ZMYND8: variants seen among roughly 807,000 people sequenced by gnomAD.
ZMYND8 encodes zinc finger MYND-type containing 8, also known as MYND-type zinc finger-containing chromatin reader ZMYND8.
ZMYND8 carries 37 observed loss-of-function variants against 140.8 expected under a neutral mutation model. The observed-to-expected ratio is 0.26, with a 90% confidence interval of 0.20 to 0.35. The LOEUF is 0.35. Ranked by LOEUF, ZMYND8 falls within the 10% of genes least tolerant of loss-of-function variation. ZMYND8 has a pLI of 1.00. For synonymous variants in ZMYND8, 592 were observed against 597.1 expected (o/e 0.99, Z 0.12); for missense variants, 1,068 against 1,570.0 (o/e 0.68, Z 5.40).
At position 47,310,097 on chromosome 20, in the gene ZMYND8, T is replaced by G; in HGVS notation, c.193A>C (p.Lys65Gln). ...QDTSTSPIKK[K>Q]KKPGLLNSNN... ...CTGTTCAGTAAGCCAGGTTTCTTTT[T>G]CTTTTTAATGGGGCTTGTTGATGTG... The change falls in exon 3 of 23, where the codon AAA becomes CAA. Residue 65 changes from lysine to glutamine, a missense_variant. Transcript: ENST00000471951. The G allele has an allele frequency of 6.2e-7, 1 of 1,614,222 alleles. No homozygotes were observed. The highest frequency in any genetic ancestry group is 8.5e-7 in the Non-Finnish European group (1 of 1,180,032).
intron 2 of ZMYND8, chr20:47,318,605 C>A: frequency 2.5e-6 from 1 of 393,812 alleles, no homozygotes. Context: ...TAAATGAAAA[C>A]CGCTCGCATT....
chr20:47,233,789 A>G (rs1300742870), intron 16 of ZMYND8, among the ~76,000 whole-genome samples: 2 of 152,228 alleles, frequency 1.3e-5, no homozygotes, highest in Non-Finnish European at 1.5e-5. Context: ...AAGAAGACTG[A>G]GTAAGTAACA....
At chr20:47,230,881 A>G (rs982561252) in intron 16 of ZMYND8, among the ~76,000 whole-genome samples, 4 of 152,080 alleles carry the variant, frequency 2.6e-5, no homozygotes, top group Non-Finnish European at 4.4e-5. Flanking sequence ...ACAACCACTG[A>G]TCTGCCTTCT....
intron 4 of ZMYND8, among the ~76,000 whole-genome samples, chr20:47,296,726 T>C (rs2148037069): frequency 6.6e-6 from 1 of 152,166 alleles, no homozygotes; most frequent in Non-Finnish European, 1.5e-5. Context: ...GAGGTCAAGG[T>C]GGGAGGATCG....
At chr20:47,285,096 A>G (rs562206517) in intron 8 of ZMYND8, among the ~76,000 whole-genome samples, 14 of 152,346 alleles carry the variant, frequency 9.2e-5, no homozygotes, top group African/African-American at 3.1e-4. Flanking sequence ...AGATTAAAAA[A>G]AAAATGAGGC....
intron 12 of ZMYND8, among the ~76,000 whole-genome samples, chr20:47,253,059 G>T (rs949611086): frequency 6.6e-6 from 1 of 152,218 alleles, no homozygotes; most frequent in African/African-American, 2.4e-5. Flanking sequence ...AAACACAGGT[G>T]GGGGCCAGAT....
At chr20:47,257,359 CAT>C (rs758899973) in intron 12 of ZMYND8, among the ~76,000 whole-genome samples, 1 of 151,974 alleles carries the variant, frequency 6.6e-6, no homozygotes, top group Non-Finnish European at 1.5e-5. Flanking sequence ...TACACACATA[CAT>C]ACACACAAAT....
intron 8 of ZMYND8, 59 bp from the exon 9 acceptor site, chr20:47,283,707 C>T: frequency 6.6e-7 from 1 of 1,512,148 alleles, no homozygotes. Flanking sequence ...TTGTGGACCT[C>T]AATCAATGCT....
intron 11 of ZMYND8, among the ~76,000 whole-genome samples, chr20:47,274,632 C>T (rs1231640705): frequency 6.6e-6 from 1 of 152,196 alleles, no homozygotes; most frequent in African/African-American, 2.4e-5. Context: ...TGTGTCAACA[C>T]AAATTATGTC....
chr20:47,215,429 G>A (rs1340929977), intron 21 of ZMYND8, among the ~76,000 whole-genome samples: 1 of 152,044 alleles, frequency 6.6e-6, no homozygotes, highest in Non-Finnish European at 1.5e-5. Flanking sequence ...TAGGGGGATG[G>A]TGGAGTATCA....
chr20:47,267,159 C>A (rs1245646799), intron 11 of ZMYND8, among the ~76,000 whole-genome samples: 2 of 151,728 alleles, frequency 1.3e-5, no homozygotes, highest in East Asian at 1.9e-4. Context: ...CATATTCTTT[C>A]ATTTCACTGA....
chr20:47,332,829 C>T (rs2081065021), intron 2 of ZMYND8, among the ~76,000 whole-genome samples: 1 of 152,204 alleles, frequency 6.6e-6, no homozygotes, highest in Non-Finnish European at 1.5e-5. Context: ...AATGATGTGT[C>T]GTGTCTGCAC....
At chr20:47,271,335 T>C (rs1488864755) in intron 11 of ZMYND8, among the ~76,000 whole-genome samples, 3 of 152,172 alleles carry the variant, frequency 2.0e-5, no homozygotes, top group Admixed American at 2.0e-4. Flanking sequence ...TGTATTTCCT[T>C]ATGAAAGAGC....
chr20:47,246,525 C>A lies in ZMYND8; in HGVS notation c.1775-8G>T. ...CCGAGATTTCATTTATGCCTAAATTCAAAAAGAAAACCCAGCATGTGGCGT... is the reference window on the plus strand; with the variant it reads ...CCGAGATTTCATTTATGCCTAAATTAAAAAAGAAAACCCAGCATGTGGCGT... On this transcript the variant is annotated splice_polypyrimidine_tract_variant and splice_region_variant and intron_variant, in intron 13 of 22. Coordinates refer to ENST00000471951, the MANE Select transcript of ZMYND8 (RefSeq NM_001281775.3). 6.4e-7 allele frequency: 1 copy of A among 1,556,976 alleles called. No homozygotes were observed. The highest frequency in any genetic ancestry group is 8.6e-7 in the Non-Finnish European group (1 of 1,156,346).
intron 14 of ZMYND8, among the ~76,000 whole-genome samples, chr20:47,243,401 A>C (rs1164916397): frequency 6.6e-6 from 1 of 152,248 alleles, no homozygotes; most frequent in Admixed American, 6.5e-5. Context: ...AATCATCTTC[A>C]GCTTAATTGT....
intron 3 of ZMYND8, among the ~76,000 whole-genome samples, chr20:47,309,749 A>G (rs1022334500): frequency 1.3e-5 from 2 of 152,032 alleles, no homozygotes; most frequent in Admixed American, 1.3e-4. Flanking sequence ...CACATGGGGA[A>G]AACAGTCCTA....
At chr20:47,282,896 T>C (rs929382731) in intron 9 of ZMYND8, among the ~76,000 whole-genome samples, 5 of 152,160 alleles carry the variant, frequency 3.3e-5, no homozygotes, top group African/African-American at 1.2e-4. Flanking sequence ...ATACCTAGCA[T>C]CTAATAAGGG....
At chr20:47,303,536 G>A (rs2078239350) in intron 3 of ZMYND8, among the ~76,000 whole-genome samples, 1 of 152,082 alleles carries the variant, frequency 6.6e-6, no homozygotes, top group African/African-American at 2.4e-5. Context: ...TGGCCAACAT[G>A]GCGAAACCCC....
Position 47,239,095 on chromosome 20 carries a change from A to C in ZMYND8, c.2328T>G (p.Ser776=). Reference sequence around the variant, plus strand: ...GGGTGAGCACCGGTGTTTCCGGGGGAGAATGGCTGCCCACCGTCGTGGATG... The same window carrying C: ...GGGTGAGCACCGGTGTTTCCGGGGGCGAATGGCTGCCCACCGTCGTGGATG... ...TPPSTTVGSH[S]PPETPVLTRS... Residue 776 remains serine (S), a synonymous_variant, in exon 15 of 23, where the codon TCT becomes TCG. Transcript: ENST00000471951. 1 of 1,520,470 alleles carries C rather than the reference A, an allele frequency of 6.6e-7. No homozygotes were observed. The highest frequency in any genetic ancestry group is 8.8e-7 in the Non-Finnish European group (1 of 1,137,206). 94.2% of individuals were successfully genotyped at this position (1,520,470 alleles called of 1,614,324 possible).
Sources: allele counts gnomAD v4.1 joint callset (sites outside exome capture counted in the v4.1 genomes callset), GRCh38; gene constraint gnomAD v4.1.1; transcripts MANE v1.5; gene names NCBI Gene and HGNC (gene_info 2026-07-23, HGNC 2026-07-21).